The following GAS7 variants were observed in gnomAD, a reference collection of about 807,000 sequenced individuals.
GAS7 encodes the protein growth arrest-specific protein 7.
Under a neutral mutation model 71.1 loss-of-function variants are expected in GAS7, and 28 were observed. The ratio of observed to expected loss-of-function variants is 0.39; its 90% CI spans 0.29 to 0.54. The LOEUF (loss-of-function observed/expected upper bound fraction) is 0.54, where lower values mean the gene tolerates loss of function less well. GAS7 is among the 20% of genes least tolerant of loss of function. The probability of loss-of-function intolerance (pLI) is 0.62; values close to 1 mark genes in which losing one functional copy is unlikely to be tolerated. For synonymous variants in GAS7, 258 were observed against 245.8 expected (o/e 1.05, Z -0.46); for missense variants, 436 against 627.8 (o/e 0.69, Z 3.27).
At chr17:10,196,211 C>G (rs1345055387) in intron 1 of GAS7, among the ~76,000 whole-genome samples, 3 of 152,192 alleles carry the variant, frequency 2.0e-5, no homozygotes, top group Non-Finnish European at 4.4e-5. Context: ...AAAAAAGGCA[C>G]AGGCGCAGGG....
Position 9,926,527 on chromosome 17 carries a change from C to A in GAS7, c.1014+114G>T. ...GCTTGGACATCCCCCTATTCCCCTA[C>A]CTGGGGACAAAGACTCAGCCTTGGC... On this transcript the variant is annotated intron_variant, in intron 10 of 13. Transcript: ENST00000432992. This position sits in a 1 kb window ranked among gnomAD's most constrained non-coding sequence, Gnocchi z 5.0. The A allele has an allele frequency of 8.7e-7, 1 of 1,145,642 alleles. No individual in the cohort carries two copies. 71.0% of individuals were successfully genotyped at this position (1,145,642 alleles called of 1,614,324 possible). A position where few individuals can be genotyped will look rare whatever the true frequency, so the allele number is the denominator to read the frequency against.
Position 9,959,311 on chromosome 17 carries a change from T to C in GAS7, c.472-56A>G. The C allele has an allele frequency of 1.9e-6, 3 of 1,612,182 alleles. No homozygotes were observed. Among genetic ancestry groups the C allele is most frequent in the Non-Finnish European group, 2.5e-6 (3 of 1,179,040 alleles). On this transcript the variant is annotated intron_variant, in intron 4 of 13. Transcript: ENST00000432992. This position sits in a 1 kb window ranked among gnomAD's most constrained non-coding sequence, Gnocchi z 5.0. The stretch of plus-strand genomic sequence containing the variant: ...GCTGTTCTCCATATTGGACATTTTT[T>C]CCCCCCATTCAGGTTCCCTGAGGGT...
rs991721518 is a variant in GAS7, at chr17:9,932,193, G to A, written c.885+1973C>T. On this transcript the variant is annotated intron_variant, in intron 9 of 13. Transcript: ENST00000432992. ...TGGTGCACTCTGAAAGGTCCCCCCC[G>A]CTTTTTTTTTTTTTTTTTTTGAGAC... Among the ~76,000 whole-genome samples the A allele has an allele frequency of 3.9e-5, 5 of 127,124 alleles. No homozygotes were observed. In the South Asian group the frequency reaches 9.8e-4, roughly 25 times the overall value. The allele number at this position is 127,124 out of a possible 152,430, so 83.4% of individuals were successfully genotyped here.
At chr17:10,046,658 C>T (rs2072962974) in intron 1 of GAS7, among the ~76,000 whole-genome samples, 1 of 149,968 alleles carries the variant, frequency 6.7e-6, no homozygotes, top group Admixed American at 6.6e-5. Context: ...ATTGCTTGAA[C>T]CTGGGAGTCG....
rs533728622 is a variant in GAS7, at chr17:9,972,957, C to T, written c.386-3195G>A. 1.8e-4 allele frequency among the ~76,000 whole-genome samples: 27 copies of T among 152,246 alleles called. No homozygotes were observed. The South Asian group carries it at 5.6e-3, about 32-fold the overall frequency. ...ATCCACAGCCTTAATTATTTCATTA[C>T]CAAACCCAAAGGAACAAAAATAAAT... is the stretch of plus-strand genomic sequence containing the variant. On this transcript the variant is annotated intron_variant, in intron 3 of 13. Coordinates refer to ENST00000432992, the MANE Select transcript of GAS7 (RefSeq NM_201433.2).
intron 8 of GAS7, among the ~76,000 whole-genome samples, chr17:9,936,818 C>T (rs779470032): frequency 4.6e-5 from 7 of 152,202 alleles, no homozygotes; most frequent in South Asian, 2.1e-4. Flanking sequence ...AAACCAAAAT[C>T]GCATTTCCTT....
intron 2 of GAS7, among the ~76,000 whole-genome samples, chr17:10,009,844 AT>A (rs1251402456): frequency 3.3e-5 from 5 of 152,104 alleles, no homozygotes; most frequent in Non-Finnish European, 7.4e-5. Flanking sequence ...CTTAAAAACA[AT>A]TTTCAACTCT....
At chr17:10,129,683 T>C (rs1446526579) in intron 1 of GAS7, among the ~76,000 whole-genome samples, 1 of 152,208 alleles carries the variant, frequency 6.6e-6, no homozygotes, top group African/African-American at 2.4e-5. Flanking sequence ...TTACTAACTT[T>C]TGTGTTCCAA....
intron 2 of GAS7, among the ~76,000 whole-genome samples, chr17:9,989,087 G>T (rs1469405370): frequency 6.6e-6 from 1 of 152,054 alleles, no homozygotes; most frequent in Non-Finnish European, 1.5e-5. Context: ...CTGACCTCAT[G>T]ATCCGTCTGT....
intron 1 of GAS7, among the ~76,000 whole-genome samples, chr17:10,126,508 G>A (rs749137879): frequency 3.5e-5 from 5 of 142,392 alleles, no homozygotes; most frequent in Admixed American, 7.2e-5. Flanking sequence ...ACACAAACAC[G>A]TATCACACAC....
At chr17:10,092,711 C>T (rs559217962) in intron 1 of GAS7, among the ~76,000 whole-genome samples, 1 of 152,328 alleles carries the variant, frequency 6.6e-6, no homozygotes, top group East Asian at 1.9e-4. Context: ...ATCAAGGTGT[C>T]AGGAGGGCCA....
At chr17:10,055,950 C>T (rs1473426355) in intron 1 of GAS7, among the ~76,000 whole-genome samples, 5 of 152,140 alleles carry the variant, frequency 3.3e-5, no homozygotes, top group Non-Finnish European at 4.4e-5. Flanking sequence ...TAAAGGATTC[C>T]TTCATGATAC....
intron 7 of GAS7, 64 bp downstream of exon 7, chr17:9,943,057 C>A (rs557868728): frequency 9.4e-7 from 1 of 1,064,902 alleles, no homozygotes; most frequent in African/African-American, 1.6e-5. Flanking sequence ...CGCCCCGCCC[C>A]GGCCACGGGG....
intron 2 of GAS7, among the ~76,000 whole-genome samples, chr17:9,993,068 T>C (rs1160091063): frequency 6.6e-6 from 1 of 152,122 alleles, no homozygotes; most frequent in Non-Finnish European, 1.5e-5. Context: ...TAAACATACA[T>C]GTGCATCTGT....
At chr17:10,158,001 C>G (rs544026436) in intron 1 of GAS7, among the ~76,000 whole-genome samples, 1 of 152,136 alleles carries the variant, frequency 6.6e-6, no homozygotes, top group African/African-American at 2.4e-5. Context: ...GAACAAAATC[C>G]TGTTATTTTA....
At position 9,932,192 on chromosome 17, in the gene GAS7, C is replaced by T. The variant is rs528207075; in HGVS notation, c.885+1974G>A. Among the ~76,000 whole-genome samples the T allele has an allele frequency of 2.9e-3, 405 of 137,760 alleles. 8 individuals carry two copies. The highest frequency in any genetic ancestry group is 0.011 in the African/African-American group (395 of 37,530). 90.4% of individuals were successfully genotyped at this position (137,760 alleles called of 152,430 possible). On this transcript the variant is annotated intron_variant, in intron 9 of 13. Transcript: ENST00000432992. ...ATGGTGCACTCTGAAAGGTCCCCCCCGCTTTTTTTTTTTTTTTTTTTGAGA... is the reference window on the plus strand; with the variant it reads ...ATGGTGCACTCTGAAAGGTCCCCCCTGCTTTTTTTTTTTTTTTTTTTGAGA...
chr17:10,134,039 T>A lies in GAS7; in HGVS notation c.183+64169A>T, dbSNP rs189504094. Among the ~76,000 whole-genome samples the A allele has an allele frequency of 2.6e-3, 91 of 35,626 alleles. 2 individuals carry two copies. In the East Asian group the frequency reaches 0.18, roughly 71 times the overall value. The allele number at this position is 35,626 out of a possible 152,430, so 23.4% of individuals were successfully genotyped here. A position where few individuals can be genotyped will look rare whatever the true frequency, so the allele number is the denominator to read the frequency against. On this transcript the variant is annotated intron_variant, in intron 1 of 13. Coordinates refer to ENST00000432992, the MANE Select transcript of GAS7 (RefSeq NM_201433.2). ...ACCTGTACCACATTTTCTTTTTTCT[T>A]TTTTTTTTGAGATGGGAGTCTCGCT...
chr17:10,124,155 C>T (rs1244392460), intron 1 of GAS7, among the ~76,000 whole-genome samples: 2 of 152,228 alleles, frequency 1.3e-5, no homozygotes, highest in Non-Finnish European at 2.9e-5. Context: ...CCTGGGCGGG[C>T]TCCCCGCGCG....
intron 2 of GAS7, among the ~76,000 whole-genome samples, chr17:9,982,866 AAAGC>A (rs199980489): frequency 0.055 from 7,954 of 143,698 alleles, 433 homozygotes; most frequent in African/African-American, 0.12. Flanking sequence ...AGAAAGAAAG[AAAGC>A]AAAGAAAGCA....
Sources: gnomAD v4.1 joint callset for allele counts (sites outside exome capture counted in the v4.1 genomes callset) on GRCh38, gnomAD v4.1.1 for gene constraint, Gnocchi (gnomAD v3.1) non-coding constraint, MANE v1.5 for transcripts, NCBI Gene and HGNC (gene_info 2026-07-23, HGNC 2026-07-21) for gene names.